The following SH3BP2 variants were observed in gnomAD, a reference collection of about 807,000 sequenced individuals.
SH3BP2 encodes SH3 domain-binding protein 2.
SH3BP2 carries 38 observed loss-of-function variants against 56.2 expected under a neutral mutation model. That is an observed-to-expected ratio of 0.68 (90% CI 0.52 to 0.89). The LOEUF is 0.89. Among genes scored for constraint, SH3BP2 ranks in the 40% least tolerant of loss-of-function variants. The probability of loss-of-function intolerance (pLI) is 0.00; values close to 1 mark genes in which losing one functional copy is unlikely to be tolerated. For missense variants in SH3BP2, 748 were observed against 762.6 expected (o/e 0.98, Z 0.23); for synonymous variants, 346 against 316.7 (o/e 1.09, Z -0.98).
chr4:2,819,389 TA>T (rs202043388), intron 1 of SH3BP2, among the ~76,000 whole-genome samples: 20,683 of 151,994 alleles, frequency 0.14, 1,613 homozygotes, highest in African/African-American at 0.21. Context: ...CCTGACTAAT[TA>T]AAAAAAAATT....
chr4:2,801,579 C>T (rs1281723073), intron 1 of SH3BP2, among the ~76,000 whole-genome samples: 1 of 152,122 alleles, frequency 6.6e-6, no homozygotes, highest in African/African-American at 2.4e-5. Context: ...CTGCTGCAGC[C>T]CCAGCAGAGG....
At chr4:2,801,987 A>G (rs960085800) in intron 1 of SH3BP2, among the ~76,000 whole-genome samples, 3 of 152,054 alleles carry the variant, frequency 2.0e-5, no homozygotes, top group Admixed American at 6.6e-5. Flanking sequence ...GCATGCTTGT[A>G]ATCCCAGCTA....
intron 5 of SH3BP2, chr4:2,826,510 C>G (rs1560108225): frequency 2.0e-5 from 4 of 196,224 alleles, no homozygotes; most frequent in Non-Finnish European, 2.9e-5. Flanking sequence ...GCGTGTTGCT[C>G]TGTGTGTGTG....
chr4:2,820,234 T>C (rs1379419217), intron 1 of SH3BP2, among the ~76,000 whole-genome samples: 1 of 152,214 alleles, frequency 6.6e-6, no homozygotes, highest in Non-Finnish European at 1.5e-5. Context: ...TTGAAGTAGT[T>C]ATGGCCTGAG....
intron 12 of SH3BP2, 57 bp from the exon 13 acceptor site, chr4:2,833,640 C>A: frequency 6.4e-7 from 1 of 1,574,154 alleles, no homozygotes. Flanking sequence ...GAGACTGAGG[C>A]CTAGAGCCGC....
At position 2,829,417 on chromosome 4, in the gene SH3BP2, G is replaced by C. The variant is rs111655744; in HGVS notation, c.587-76G>C. 7.2e-4 allele frequency: 1,100 copies of C among 1,534,592 alleles called. 8 individuals carry two copies. The African/African-American group carries it at 0.012, about 17-fold the overall frequency. ...CATGGGTTGCACTCCTGGTTGGCCTGGCTGACCACTGCCAGCAGAGGATAG... is the reference window on the plus strand; with the variant it reads ...CATGGGTTGCACTCCTGGTTGGCCTCGCTGACCACTGCCAGCAGAGGATAG... On this transcript the variant is annotated intron_variant, in intron 7 of 12. Transcript: ENST00000503393. The surrounding 1 kb of genome is among the most constrained non-coding windows in gnomAD (Gnocchi z 4.9).
At chr4:2,795,111 G>T (rs1342886156) in intron 1 of SH3BP2, among the ~76,000 whole-genome samples, 1 of 152,186 alleles carries the variant, frequency 6.6e-6, no homozygotes, top group Admixed American at 6.5e-5. Flanking sequence ...GGGGGATGGT[G>T]GTGGTGGTGA....
rs547633775 is a variant in SH3BP2 at position 2,829,567 on chromosome 4, C to T, written c.661C>T (p.Pro221Ser). 3 of 1,613,306 alleles carry T rather than the reference C, an allele frequency of 1.9e-6. No individual in the cohort carries two copies. The highest frequency in any genetic ancestry group is 1.1e-5 in the South Asian group (1 of 91,078). The change falls in exon 8 of 13, where the codon CCC becomes TCC. Residue 221 changes from proline (P) to serine (S), a missense_variant. Pro to Ser is a moderately conservative substitution (Grantham distance 74, BLOSUM62 -1). Transcript: ENST00000503393. The surrounding 1 kb of genome is among the most constrained non-coding windows in gnomAD (Gnocchi z 4.9). ...TPRKPAFSDMPRAHSFTSKGP... is the reference protein window; with the variant it reads ...TPRKPAFSDMSRAHSFTSKGP... ...CAGGAAGCCAGCCTTCTCTGACATG[C>T]CCCGGGCCCACTCCTTTACCTCCAA...
At position 2,838,898 on chromosome 4, in the gene SH3BP2, T is replaced by C. The variant is rs924143552; in HGVS notation, c.*5064T>C. 1.3e-5 allele frequency: 2 copies of C among 152,214 alleles called. No homozygotes were observed. Among genetic ancestry groups the C allele is most frequent in the Non-Finnish European group, 2.9e-5 (2 of 68,038 alleles). The allele number at this position is 152,214 out of a possible 1,614,324, so 9.4% of individuals were successfully genotyped here. A position where few individuals can be genotyped will look rare whatever the true frequency, so the allele number is the denominator to read the frequency against. On this transcript the variant is annotated 3_prime_UTR_variant, in exon 13 of 13. Transcript: ENST00000503393. Reference sequence around the variant, plus strand: ...GGTTTGTACTCAGGAGTCTGACTCCTGGGTTCTAGGGTATGAAGATCTTTC... The same window carrying C: ...GGTTTGTACTCAGGAGTCTGACTCCCGGGTTCTAGGGTATGAAGATCTTTC...
At chr4:2,814,367 C>T (rs1439723222) in intron 1 of SH3BP2, among the ~76,000 whole-genome samples, 1 of 152,170 alleles carries the variant, frequency 6.6e-6, no homozygotes, top group East Asian at 1.9e-4. Flanking sequence ...GCTCTGCCCC[C>T]CACCGCAGCA....
chr4:2,819,977 G>A (rs1458373991), intron 1 of SH3BP2, among the ~76,000 whole-genome samples: 1 of 152,126 alleles, frequency 6.6e-6, no homozygotes, highest in South Asian at 2.1e-4. Context: ...AGAGGGAAGG[G>A]GAGTGATATC....
rs534142780 is a variant in SH3BP2, at chr4:2,832,905, G to A, written c.1489-85G>A. On this transcript the variant is annotated intron_variant, in intron 11 of 12. Transcript: ENST00000503393. ...CACAGGACCCAGCCTTGATGGTTCT[G>A]CCCCCCTATCCCCAGCCCATGGTCT... 5.1e-6 allele frequency: 7 copies of A among 1,372,630 alleles called. No individual in the cohort carries two copies. In the African/African-American group the frequency reaches 8.6e-5, roughly 17 times the overall value. 85.0% of individuals were successfully genotyped at this position (1,372,630 alleles called of 1,614,324 possible). A position where few individuals can be genotyped will look rare whatever the true frequency, so the allele number is the denominator to read the frequency against.
At chr4:2,806,362 G>A (rs1035570157) in intron 1 of SH3BP2, among the ~76,000 whole-genome samples, 7 of 152,168 alleles carry the variant, frequency 4.6e-5, no homozygotes, top group African/African-American at 1.7e-4. Flanking sequence ...AGCCTTGGGT[G>A]GGAGCCAGGA....
At chr4:2,830,286 C>T (rs1018911341) in intron 8 of SH3BP2, 139 bp downstream of exon 8, 5 of 788,640 alleles carry the variant, frequency 6.3e-6, no homozygotes, top group African/African-American at 5.2e-5. Context: ...TAGGAAGGTT[C>T]CCGGTTGCCT....
intron 1 of SH3BP2, among the ~76,000 whole-genome samples, chr4:2,796,814 C>G (rs1313405078): frequency 6.6e-6 from 1 of 152,232 alleles, no homozygotes. Flanking sequence ...AGGCAACAGC[C>G]TCAAGAAGGC....
intron 11 of SH3BP2, 134 bp downstream of exon 11, chr4:2,832,546 T>G: frequency 8.0e-6 from 6 of 753,778 alleles, no homozygotes; most frequent in Non-Finnish European, 1.4e-5. Context: ...CTGAATTCTC[T>G]TCCCAGCAGC....
At chr4:2,827,736 G>A in intron 7 of SH3BP2, 62 bp downstream of exon 7, 1 of 1,402,132 alleles carries the variant, frequency 7.1e-7, no homozygotes, top group East Asian at 2.5e-5. Flanking sequence ...CTGGGACCGG[G>A]AGCAGAGCCC....
chr4:2,827,762 T>C, intron 7 of SH3BP2, 88 bp downstream of exon 7: 1 of 1,158,846 alleles, frequency 8.6e-7, no homozygotes, highest in Non-Finnish European at 1.3e-6. Flanking sequence ...AGGCTGGGGA[T>C]GCTGGCCCAG....
At chr4:2,816,612 TC>T (rs1251424588) in intron 1 of SH3BP2, among the ~76,000 whole-genome samples, 2 of 152,254 alleles carry the variant, frequency 1.3e-5, no homozygotes, top group African/African-American at 2.4e-5. Flanking sequence ...TTGAGGAACT[TC>T]CCTTCTATTC....
Sources: gnomAD v4.1 joint callset for allele counts (sites outside exome capture counted in the v4.1 genomes callset) on GRCh38, gnomAD v4.1.1 for gene constraint, Gnocchi (gnomAD v3.1) non-coding constraint, MANE v1.5 for transcripts, NCBI Gene and HGNC (gene_info 2026-07-23, HGNC 2026-07-21) for gene names.